GALNT7: variants seen among roughly 807,000 people sequenced by gnomAD.
GALNT7 encodes N-acetylgalactosaminyltransferase 7.
GALNT7 carries 60 observed loss-of-function variants against 82.1 expected under a neutral mutation model. The ratio of observed to expected loss-of-function variants is 0.73; its 90% CI spans 0.59 to 0.91. The LOEUF is 0.91. Ranked by LOEUF, GALNT7 falls within the 40% of genes least tolerant of loss-of-function variation. The probability of loss-of-function intolerance (pLI) is 0.00; values close to 1 mark genes in which losing one functional copy is unlikely to be tolerated. For missense variants in GALNT7, 660 were observed against 804.2 expected, an observed-to-expected ratio of 0.82 and a Z score of 2.17; for synonymous variants, 243 against 275.1, an observed-to-expected ratio of 0.88 and a Z score of 1.15.
At chr4:173,227,717 C>T (rs975671275) in intron 1 of GALNT7, among the ~76,000 whole-genome samples, 5 of 151,984 alleles carry the variant, frequency 3.3e-5, no homozygotes, top group South Asian at 2.1e-4. Flanking sequence ...CTCATGTTGG[C>T]GGAGGTCATG....
chr4:173,236,653 T>C (rs1430619861), intron 1 of GALNT7, among the ~76,000 whole-genome samples: 4 of 152,178 alleles, frequency 2.6e-5, no homozygotes, highest in Non-Finnish European at 4.4e-5. Context: ...GTTTTTATGA[T>C]TTTGTGCCTT....
At chr4:173,196,899 G>A (rs1732795476) in intron 1 of GALNT7, among the ~76,000 whole-genome samples, 1 of 152,086 alleles carries the variant, frequency 6.6e-6, no homozygotes, top group Non-Finnish European at 1.5e-5. Context: ...TTTCACATTT[G>A]GATTTTTCTT....
At chr4:173,303,752 G>T (rs1320954132) in intron 7 of GALNT7, among the ~76,000 whole-genome samples, 1 of 152,176 alleles carries the variant, frequency 6.6e-6, no homozygotes, top group African/African-American at 2.4e-5. Flanking sequence ...GTTGCTAGGG[G>T]CTATGAGTAC....
intron 1 of GALNT7, among the ~76,000 whole-genome samples, chr4:173,241,657 G>T (rs1734437178): frequency 6.6e-6 from 1 of 152,294 alleles, no homozygotes; most frequent in African/African-American, 2.4e-5. Context: ...TTGAAACAGG[G>T]TCATGCTCTG....
At chr4:173,198,962 C>A (rs959123911) in intron 1 of GALNT7, among the ~76,000 whole-genome samples, 1 of 152,028 alleles carries the variant, frequency 6.6e-6, no homozygotes, top group Non-Finnish European at 1.5e-5. Context: ...AGTTAACTGG[C>A]CTTGCAAAAA....
chr4:173,297,807 T>C (rs1736774650), intron 5 of GALNT7: 1 of 1,433,276 alleles, frequency 7.0e-7, no homozygotes, highest in Non-Finnish European at 9.1e-7. Context: ...CTACATGTAC[T>C]GTGCCTCTAA....
intron 1 of GALNT7, among the ~76,000 whole-genome samples, chr4:173,181,950 G>A (rs1732262287): frequency 6.6e-6 from 1 of 152,220 alleles, no homozygotes; most frequent in Non-Finnish European, 1.5e-5. Flanking sequence ...TAAATGGAAA[G>A]TGAATCACAG....
At chr4:173,218,430 A>G (rs1393588001) in intron 1 of GALNT7, among the ~76,000 whole-genome samples, 1 of 150,764 alleles carries the variant, frequency 6.6e-6, no homozygotes, top group East Asian at 2.0e-4. Context: ...GGAGAACAAG[A>G]TAGTATTGCC....
chr4:173,226,308 C>T (rs1733825259), intron 1 of GALNT7, among the ~76,000 whole-genome samples: 1 of 152,026 alleles, frequency 6.6e-6, no homozygotes, highest in South Asian at 2.1e-4. Context: ...CTTTTTTAAC[C>T]CAGTTGTACC....
At chr4:173,301,109 T>C (rs1422418245) in intron 6 of GALNT7, among the ~76,000 whole-genome samples, 1 of 151,904 alleles carries the variant, frequency 6.6e-6, no homozygotes, top group African/African-American at 2.4e-5. Context: ...TACTCCAGGC[T>C]GGGCCATAGA....
intron 2 of GALNT7, among the ~76,000 whole-genome samples, chr4:173,291,838 A>G (rs1736545213): frequency 6.6e-6 from 1 of 151,486 alleles, no homozygotes; most frequent in East Asian, 1.9e-4. Flanking sequence ...TGTAAATACT[A>G]TCTTAAGTGT....
intron 2 of GALNT7, among the ~76,000 whole-genome samples, chr4:173,265,234 C>G (rs1735436657): frequency 6.6e-6 from 1 of 152,104 alleles, no homozygotes; most frequent in Non-Finnish European, 1.5e-5. Flanking sequence ...GGATATAATC[C>G]TGTTATGAGA....
In GALNT7 at chr4:173,321,678, G is replaced by A. The variant is rs1308097787; in HGVS notation, c.1935G>A (p.Thr645=). The change falls in exon 12 of 12, where the codon ACG becomes ACA. Residue 645 remains threonine, a synonymous_variant. Transcript: ENST00000265000. ...TCTCCAATTGTGACTCCAGTAAAAC[G>A]ACTCAAAAATGGGAAATGAATAACA... ...VFISNCDSSK[T]TQKWEMNNIH... 8.1e-6 allele frequency: 13 copies of A among 1,608,052 alleles called. No individual in the cohort carries two copies. In the Admixed American group the frequency reaches 1.2e-4, roughly 14 times the overall value.
At chr4:173,263,867 C>G (rs1329491224) in intron 2 of GALNT7, among the ~76,000 whole-genome samples, 1 of 152,132 alleles carries the variant, frequency 6.6e-6, no homozygotes, top group African/African-American at 2.4e-5. Context: ...ATAAACACAT[C>G]ATAAAATAAG....
chr4:173,309,910 C>A (rs778313347), intron 8 of GALNT7, among the ~76,000 whole-genome samples: 65 of 152,166 alleles, frequency 4.3e-4, no homozygotes, highest in Non-Finnish European at 7.6e-4. Context: ...TGATGAAAAG[C>A]CAAATTGACT....
intron 1 of GALNT7, among the ~76,000 whole-genome samples, chr4:173,232,138 T>C (rs571344974): frequency 6.6e-6 from 1 of 152,062 alleles, no homozygotes; most frequent in African/African-American, 2.4e-5. Flanking sequence ...GGACTGAAAA[T>C]AATTTTTTAA....
At chr4:173,227,165 A>G (rs2126701278) in intron 1 of GALNT7, among the ~76,000 whole-genome samples, 1 of 152,322 alleles carries the variant, frequency 6.6e-6, no homozygotes, top group South Asian at 2.1e-4. Flanking sequence ...TGGAGAGAAA[A>G]ACTGTTAATT....
At position 173,277,575 on chromosome 4, in the gene GALNT7, G is replaced by A. The variant is rs1279271748; in HGVS notation, c.588-14533G>A. ...GACGTCACATGGTTGCTTTTTCTTG[G>A]GAACTGCTGTTTAAGGAGATTCTTA... On this transcript the variant is annotated intron_variant, in intron 2 of 11. Transcript: ENST00000265000. Among the ~76,000 whole-genome samples, 5 of 152,172 alleles carry A rather than the reference G, an allele frequency of 3.3e-5. 1 individual carries two copies. Among genetic ancestry groups the A allele is most frequent in the Admixed American group, 3.3e-4 (5 of 15,276 alleles).
intron 1 of GALNT7, among the ~76,000 whole-genome samples, chr4:173,223,346 G>GT (rs1433305824): frequency 2.6e-5 from 4 of 151,976 alleles, no homozygotes; most frequent in Non-Finnish European, 4.4e-5. Flanking sequence ...AAGTGATAGA[G>GT]TTTTTTTAAT....
Sources: gnomAD v4.1 joint callset for allele counts (sites outside exome capture counted in the v4.1 genomes callset) on GRCh38, gnomAD v4.1.1 for gene constraint, MANE v1.5 for transcripts, NCBI Gene and HGNC (gene_info 2026-07-23, HGNC 2026-07-21) for gene names.